The following VPS50 variants were observed in gnomAD, a reference collection of about 807,000 sequenced individuals.
VPS50 encodes the protein VPS50 subunit of EARP/GARPII complex.
A neutral mutation model predicts 139.7 loss-of-function variants in VPS50; 70 were observed. The ratio of observed to expected loss-of-function variants is 0.50; its 90% CI spans 0.41 to 0.61. VPS50 has a LOEUF of 0.61. Among genes scored for constraint, VPS50 ranks in the 20% least tolerant of loss-of-function variants. The pLI, the probability that VPS50 is intolerant of heterozygous loss-of-function variation, is 0.00. For missense variants in VPS50, 921 were observed against 1,133.7 expected (o/e 0.81, Z 2.69); for synonymous variants, 365 against 376.7 (o/e 0.97, Z 0.36).
chr7:93,341,840 A>T (rs556204463), intron 23 of VPS50, among the ~76,000 whole-genome samples: 1 of 152,346 alleles, frequency 6.6e-6, no homozygotes, highest in South Asian at 2.1e-4. Context: ...GTACAACTTT[A>T]AAAAGCATTA....
intron 20 of VPS50, among the ~76,000 whole-genome samples, chr7:93,317,141 C>T (rs1797452239): frequency 6.6e-6 from 1 of 152,122 alleles, no homozygotes; most frequent in East Asian, 1.9e-4. Context: ...GGCATGAGGG[C>T]CTATCAAGAA....
At chr7:93,309,193 G>A (rs191111826) in intron 19 of VPS50, among the ~76,000 whole-genome samples, 116 of 152,000 alleles carry the variant, frequency 7.6e-4, no homozygotes, top group Admixed American at 1.2e-3. Flanking sequence ...CAAAACCTTT[G>A]CTGGTATCTC....
At chr7:93,240,358 A>G (rs992013904) in intron 2 of VPS50, among the ~76,000 whole-genome samples, 1 of 152,074 alleles carries the variant, frequency 6.6e-6, no homozygotes, top group South Asian at 2.1e-4. Flanking sequence ...GCCAAAAATC[A>G]TGATTATATT....
At chr7:93,329,304 CA>C (rs1797869171) in intron 21 of VPS50, among the ~76,000 whole-genome samples, 1 of 151,562 alleles carries the variant, frequency 6.6e-6, no homozygotes, top group South Asian at 2.1e-4. Context: ...AATACAATTT[CA>C]AAAAACAACA....
intron 21 of VPS50, among the ~76,000 whole-genome samples, chr7:93,327,846 A>T (rs1222950360): frequency 1.3e-5 from 2 of 152,164 alleles, no homozygotes; most frequent in African/African-American, 4.8e-5. Flanking sequence ...GAATCAGGTA[A>T]TGTGTAGAAT....
chr7:93,279,726 T>G (rs1796266047), intron 12 of VPS50, among the ~76,000 whole-genome samples: 1 of 152,182 alleles, frequency 6.6e-6, no homozygotes, highest in African/African-American at 2.4e-5. Context: ...TTTTGGCAGT[T>G]TATATCCTCT....
chr7:93,310,031 A>G (rs1334382432), intron 19 of VPS50, among the ~76,000 whole-genome samples: 1 of 152,044 alleles, frequency 6.6e-6, no homozygotes, highest in African/African-American at 2.4e-5. Flanking sequence ...TTGCGTATGT[A>G]TGATATTAAG....
intron 2 of VPS50, among the ~76,000 whole-genome samples, chr7:93,242,328 A>G (rs904765153): frequency 2.6e-5 from 4 of 151,872 alleles, no homozygotes; most frequent in African/African-American, 9.7e-5. Flanking sequence ...TGAAGGAAAC[A>G]GGGCGATGAG....
chr7:93,276,330 C>G (rs1796152701), intron 12 of VPS50, 25 bp downstream of exon 12: 4 of 1,584,466 alleles, frequency 2.5e-6, no homozygotes, highest in Non-Finnish European at 2.6e-6. Flanking sequence ...AATTACTATT[C>G]ATATATCTCT....
intron 26 of VPS50, among the ~76,000 whole-genome samples, chr7:93,354,186 GA>G (rs1385625301): frequency 6.6e-6 from 1 of 152,018 alleles, no homozygotes; most frequent in African/African-American, 2.4e-5. Flanking sequence ...TTATCAATGA[GA>G]AAACCTAGTC....
At chr7:93,241,357 A>G (rs1039149891) in intron 2 of VPS50, among the ~76,000 whole-genome samples, 1 of 152,112 alleles carries the variant, frequency 6.6e-6, no homozygotes, top group African/African-American at 2.4e-5. Context: ...CCTTGGGTGG[A>G]GTGGCCAGTC....
Position 93,305,958 on chromosome 7 carries a change from C to T in VPS50, c.1583C>T (p.Ala528Val), listed in dbSNP as rs2116975318. The change falls in exon 18 of 28, where the codon GCC (alanine) becomes GTC (valine). Residue 528 changes from alanine to valine, a missense_variant. Physicochemically the swap from Ala to Val is moderately conservative, Grantham distance 64. Transcript: ENST00000305866. ...CSGGNPFEIQ[A>V]NHKDEETEDV... is the part of the protein sequence containing the mutation. ...GGTGGGAATCCATTTGAAATTCAGG[C>T]CAACCACAAAGATGAAGAAACAGAA... 6.2e-7 allele frequency: 1 copy of T among 1,612,280 alleles called. No homozygotes were observed. The highest frequency in any genetic ancestry group is 2.2e-5 in the East Asian group (1 of 44,816).
intron 1 of VPS50, among the ~76,000 whole-genome samples, chr7:93,233,174 C>T (rs1206244916): frequency 6.6e-6 from 1 of 152,090 alleles, no homozygotes; most frequent in East Asian, 1.9e-4. Flanking sequence ...ATTTTGTAAC[C>T]TGTCTCATAA....
intron 2 of VPS50, among the ~76,000 whole-genome samples, chr7:93,248,223 A>C (rs1405044150): frequency 1.3e-5 from 2 of 151,972 alleles, no homozygotes; most frequent in Non-Finnish European, 2.9e-5. Context: ...TCATATGTTT[A>C]AGTATGGTGT....
intron 12 of VPS50, among the ~76,000 whole-genome samples, chr7:93,278,554 A>T (rs1796229765): frequency 6.9e-6 from 1 of 145,900 alleles, no homozygotes; most frequent in Non-Finnish European, 1.5e-5. Context: ...CTGAGATCAC[A>T]CCACTGCACT....
At chr7:93,312,647 T>G (rs990006159) in intron 20 of VPS50, among the ~76,000 whole-genome samples, 6 of 151,912 alleles carry the variant, frequency 3.9e-5, no homozygotes, top group Non-Finnish European at 7.4e-5. Flanking sequence ...CTTCTATTCT[T>G]CTATTTCTTC....
At chr7:93,338,969 C>T (rs1271467513) in intron 22 of VPS50, among the ~76,000 whole-genome samples, 1 of 152,050 alleles carries the variant, frequency 6.6e-6, no homozygotes, top group African/African-American at 2.4e-5. Context: ...TCTGTTTAGG[C>T]ATGTTTTAGT....
intron 20 of VPS50, chr7:93,320,964 A>ACTGT (rs1218483757): frequency 1.3e-5 from 2 of 152,078 alleles, no homozygotes; most frequent in African/African-American, 4.8e-5. Flanking sequence ...GTTCCCATCT[A>ACTGT]CTGTCTGTCA....
intron 26 of VPS50, among the ~76,000 whole-genome samples, chr7:93,354,558 G>C (rs1798646973): frequency 6.6e-6 from 1 of 152,044 alleles, no homozygotes; most frequent in Non-Finnish European, 1.5e-5. Flanking sequence ...GCCTCCCAAA[G>C]TACTGGGATT....
Sources: gnomAD v4.1 joint callset for allele counts (sites outside exome capture counted in the v4.1 genomes callset) on GRCh38, gnomAD v4.1.1 for gene constraint, MANE v1.5 for transcripts, NCBI Gene and HGNC (gene_info 2026-07-23, HGNC 2026-07-21) for gene names.